Variants in SNX27 observed in about 807,000 individuals in gnomAD.
SNX27 encodes sorting nexin-27.
SNX27 carries 22 observed loss-of-function variants against 71.6 expected under a neutral mutation model. That is an observed-to-expected ratio of 0.31 (90% CI 0.22 to 0.44). The LOEUF is 0.44. Among genes scored for constraint, SNX27 ranks in the 20% least tolerant of loss-of-function variants. The pLI, the probability that SNX27 is intolerant of heterozygous loss-of-function variation, is 1.00. For synonymous variants in SNX27, 269 were observed against 277.2 expected (o/e 0.97, Z 0.29); for missense variants, 531 against 698.6 (o/e 0.76, Z 2.70).
chr1:151,694,334 T>C (rs2102746871), intron 11 of SNX27, 36 bp from the exon 12 acceptor site: 1 of 1,549,176 alleles, frequency 6.5e-7, no homozygotes, highest in Admixed American at 2.0e-5. Context: ...AGAGGAGATG[T>C]GCCTTCCCAA....
intron 1 of SNX27, among the ~76,000 whole-genome samples, chr1:151,625,271 C>T (rs1457366749): frequency 1.3e-5 from 2 of 152,068 alleles, no homozygotes; most frequent in Non-Finnish European, 2.9e-5. Flanking sequence ...CTTTGGGAGG[C>T]CGAAGCGGCA....
chr1:151,649,575 C>G (rs1375877030), intron 2 of SNX27, among the ~76,000 whole-genome samples: 1 of 152,122 alleles, frequency 6.6e-6, no homozygotes, highest in East Asian at 1.9e-4. Flanking sequence ...AGAGCTAAAC[C>G]CTGTCTCAAT....
chr1:151,624,589 G>A (rs1026601493), intron 1 of SNX27, among the ~76,000 whole-genome samples: 1 of 150,892 alleles, frequency 6.6e-6, no homozygotes, highest in Non-Finnish European at 1.5e-5. Flanking sequence ...CTGCCAGCAC[G>A]CCCGGCTAAT....
intron 1 of SNX27, among the ~76,000 whole-genome samples, chr1:151,628,427 A>G (rs897502272): frequency 4.6e-5 from 7 of 152,210 alleles, no homozygotes; most frequent in African/African-American, 1.4e-4. Context: ...TTTTTTGGCA[A>G]TTATGAATAA....
chr1:151,663,081 T>G (rs905778933), intron 5 of SNX27, among the ~76,000 whole-genome samples: 1 of 152,132 alleles, frequency 6.6e-6, no homozygotes, highest in African/African-American at 2.4e-5. Context: ...TTTTTCCAAT[T>G]GTCTAAAAAT....
At chr1:151,637,162 G>GTT (rs1203944575) in intron 1 of SNX27, among the ~76,000 whole-genome samples, 49 of 37,268 alleles carry the variant, frequency 1.3e-3, no homozygotes, top group East Asian at 2.8e-3. Context: ...CGTTTTTTTT[G>GTT]TTTTTTTGTT....
intron 3 of SNX27, 75 bp downstream of exon 3, chr1:151,658,502 T>C: frequency 7.1e-7 from 1 of 1,408,594 alleles, no homozygotes; most frequent in Non-Finnish European, 9.7e-7. Context: ...ACTGCATAGC[T>C]GAATTTCCAG....
At chr1:151,638,729 G>T in intron 1 of SNX27, 159 bp from the exon 2 acceptor site, 1 of 677,784 alleles carries the variant, frequency 1.5e-6, no homozygotes, top group Non-Finnish European at 2.5e-6. Context: ...TTTCACATTA[G>T]AAACTGTTAA....
rs116157743 is a variant in SNX27, at chr1:151,645,913, G to C, written c.543+6794G>C. Among the ~76,000 whole-genome samples, 825 of 152,190 alleles carry C rather than the reference G, an allele frequency of 5.4e-3. 7 individuals are homozygous for C. Among genetic ancestry groups the C allele is most frequent in the African/African-American group, 0.019 (792 of 41,526 alleles). Reference sequence around the variant, plus strand: ...CCTCAGATAATTGTTTTTGTATTTCGTCCAGAATTTATAGTGGTTACAGCA... The same window carrying C: ...CCTCAGATAATTGTTTTTGTATTTCCTCCAGAATTTATAGTGGTTACAGCA... On this transcript the variant is annotated intron_variant, in intron 2 of 11. Transcript: ENST00000458013.
intron 5 of SNX27, chr1:151,662,798 T>TA (rs1670018507): frequency 6.6e-6 from 1 of 152,232 alleles, no homozygotes; most frequent in Non-Finnish European, 1.5e-5. Flanking sequence ...CTCCTTTTTT[T>TA]ATTGTAAAAA....
At chr1:151,684,540 A>G (rs969524723) in intron 8 of SNX27, among the ~76,000 whole-genome samples, 4 of 152,298 alleles carry the variant, frequency 2.6e-5, no homozygotes, top group African/African-American at 9.6e-5. Context: ...AAAAATTTCT[A>G]CTCATTATAA....
At chr1:151,652,129 G>C (rs973073954) in intron 2 of SNX27, among the ~76,000 whole-genome samples, 1 of 150,926 alleles carries the variant, frequency 6.6e-6, no homozygotes, top group Non-Finnish European at 1.5e-5. Flanking sequence ...GCAGTGAGCC[G>C]AGATGGCAGC....
Position 151,662,185 on chromosome 1 carries a change from A to G in SNX27, c.821A>G (p.Asp274Gly). Residue 274 changes from aspartate (D) to glycine (G), a missense_variant, in exon 5 of 12, where the codon GAC (aspartate) becomes GGC (glycine). Physicochemically the swap from Asp to Gly is moderately conservative, Grantham distance 94. Transcript: ENST00000458013. Reference sequence around the variant, plus strand: ...CCCCAGAACTACAATGGTGTGTCCGACGTAGAGCTGAGAGTAGCATTACCA... The same window carrying G: ...CCCCAGAACTACAATGGTGTGTCCGGCGTAGAGCTGAGAGTAGCATTACCA... ...ESDENYNGVS[D>G]VELRVALPDG... 6.2e-7 allele frequency: 1 copy of G among 1,613,538 alleles called. No homozygotes were observed. Among genetic ancestry groups the G allele is most frequent in the Non-Finnish European group, 8.5e-7 (1 of 1,179,564 alleles).
chr1:151,623,291 C>T (rs911434512), intron 1 of SNX27, among the ~76,000 whole-genome samples: 2 of 152,176 alleles, frequency 1.3e-5, no homozygotes, highest in South Asian at 4.1e-4. Flanking sequence ...CAGGTGCGGG[C>T]CACCATACTT....
chr1:151,686,360 A>G (rs1436304441), intron 8 of SNX27, among the ~76,000 whole-genome samples: 1 of 152,258 alleles, frequency 6.6e-6, no homozygotes, highest in African/African-American at 2.4e-5. Flanking sequence ...TGAATTTAAT[A>G]AACACAGTAA....
At chr1:151,623,760 A>C (rs916471592) in intron 1 of SNX27, among the ~76,000 whole-genome samples, 2 of 151,854 alleles carry the variant, frequency 1.3e-5, no homozygotes, top group Non-Finnish European at 1.5e-5. Flanking sequence ...TGTCATGTCT[A>C]CTCTATGATA....
At chr1:151,628,413 AC>A (rs1028063030) in intron 1 of SNX27, among the ~76,000 whole-genome samples, 2 of 152,148 alleles carry the variant, frequency 1.3e-5, no homozygotes, top group African/African-American at 4.8e-5. Context: ...TTGGTTACTT[AC>A]AGTTTTTTGG....
chr1:151,631,204 A>G (rs1571778136), intron 1 of SNX27, among the ~76,000 whole-genome samples: 1 of 152,152 alleles, frequency 6.6e-6, no homozygotes, highest in South Asian at 2.1e-4. Flanking sequence ...AGTTTCTAGT[A>G]CAGTTGTACT....
chr1:151,690,047 C>T (rs560541314), intron 8 of SNX27, among the ~76,000 whole-genome samples: 2 of 152,122 alleles, frequency 1.3e-5, no homozygotes, highest in African/African-American at 4.8e-5. Context: ...TGGGGTTTCA[C>T]CATGTTGGCC....
Sources: allele counts gnomAD v4.1 joint callset (sites outside exome capture counted in the v4.1 genomes callset), GRCh38; gene constraint gnomAD v4.1.1; transcripts MANE v1.5; gene names NCBI Gene and HGNC (gene_info 2026-07-23, HGNC 2026-07-21).